The following OPCML variants were observed in gnomAD, a reference collection of about 807,000 sequenced individuals.
OPCML encodes opioid binding protein/cell adhesion molecule like.
A neutral mutation model predicts 37.8 loss-of-function variants in OPCML; 13 were observed. The observed-to-expected ratio is 0.34, with a 90% CI of 0.22 to 0.55. OPCML has a LOEUF of 0.55. OPCML is among the 20% of genes least tolerant of loss of function. OPCML has a pLI of 0.91. For missense variants in OPCML, 341 were observed against 435.6 expected, an observed-to-expected ratio of 0.78 and a Z score of 1.93; for synonymous variants, 176 against 168.8, an observed-to-expected ratio of 1.04 and a Z score of -0.33.
At chr11:132,672,250 C>T (rs1035202894) in intron 2 of OPCML, among the ~76,000 whole-genome samples, 25 of 152,206 alleles carry the variant, frequency 1.6e-4, no homozygotes, top group African/African-American at 6.0e-4. Flanking sequence ...GTTAAGCCCT[C>T]GGGGATTGCA....
intron 2 of OPCML, among the ~76,000 whole-genome samples, chr11:132,725,453 G>A (rs1944844066): frequency 6.6e-6 from 1 of 152,138 alleles, no homozygotes; most frequent in African/African-American, 2.4e-5. Flanking sequence ...GGACTGTAAT[G>A]GGAGGGGCTA....
intron 4 of OPCML, among the ~76,000 whole-genome samples, chr11:132,442,300 G>A (rs1323315811): frequency 1.3e-5 from 2 of 152,168 alleles, no homozygotes; most frequent in Non-Finnish European, 2.9e-5. Context: ...TAACTATTTG[G>A]GGATGAAAAA....
chr11:132,657,477 T>C (rs1941765820), intron 2 of OPCML, 158 bp from the exon 3 acceptor site: 2 of 950,792 alleles, frequency 2.1e-6, no homozygotes, highest in South Asian at 4.8e-5. Flanking sequence ...ACTTCCTAAA[T>C]ATAAACTAAG....
intron 2 of OPCML, among the ~76,000 whole-genome samples, chr11:132,734,038 G>A (rs530210724): frequency 2.6e-5 from 4 of 152,218 alleles, no homozygotes; most frequent in Admixed American, 6.5e-5. Context: ...TTATGTGTAC[G>A]ATGGGATAAT....
At chr11:133,483,434 G>A (rs1947426670) in intron 1 of OPCML, among the ~76,000 whole-genome samples, 1 of 151,872 alleles carries the variant, frequency 6.6e-6, no homozygotes, top group Admixed American at 6.6e-5. Context: ...ATAATAGGCA[G>A]ATTAGCTAGA....
At chr11:132,545,166 T>G (rs1487946054) in intron 3 of OPCML, among the ~76,000 whole-genome samples, 3 of 152,202 alleles carry the variant, frequency 2.0e-5, no homozygotes, top group African/African-American at 7.2e-5. Context: ...TATGCACTAG[T>G]CTTGCAGCTC....
At chr11:133,153,560 T>TC (rs374045820) in intron 1 of OPCML, among the ~76,000 whole-genome samples, 1 of 152,294 alleles carries the variant, frequency 6.6e-6, no homozygotes, top group African/African-American at 2.4e-5. Flanking sequence ...AGCTGGCCTT[T>TC]CTGACACTAG....
At chr11:133,408,320 T>G (rs961758396) in intron 1 of OPCML, among the ~76,000 whole-genome samples, 2 of 152,216 alleles carry the variant, frequency 1.3e-5, no homozygotes, top group African/African-American at 4.8e-5. Context: ...TGGTGGTGAA[T>G]TAAATCAAGG....
At chr11:132,556,955 G>C (rs1368784105) in intron 3 of OPCML, among the ~76,000 whole-genome samples, 1 of 152,108 alleles carries the variant, frequency 6.6e-6, no homozygotes, top group Non-Finnish European at 1.5e-5. Context: ...AGAGAGTTCT[G>C]ACTCTTTCTC....
chr11:133,196,331 A>C (rs1167251548), intron 1 of OPCML, among the ~76,000 whole-genome samples: 1 of 152,260 alleles, frequency 6.6e-6, no homozygotes, highest in Non-Finnish European at 1.5e-5. Context: ...GCAGCTGTTC[A>C]GTCCAACTCT....
At chr11:133,130,244 T>C (rs970902067) in intron 1 of OPCML, among the ~76,000 whole-genome samples, 1 of 151,052 alleles carries the variant, frequency 6.6e-6, no homozygotes, top group East Asian at 1.9e-4. Flanking sequence ...TAAAAACTAC[T>C]GAAAATGAAG....
At chr11:132,591,932 G>A (rs1187432956) in intron 3 of OPCML, among the ~76,000 whole-genome samples, 3 of 152,174 alleles carry the variant, frequency 2.0e-5, no homozygotes, top group African/African-American at 7.2e-5. Flanking sequence ...GTTTTGCAGT[G>A]TAGCAATCAA....
chr11:133,177,969 A>G lies in OPCML; in HGVS notation c.62-234959T>C, dbSNP rs1937635658. On this transcript the variant is annotated intron_variant, in intron 1 of 7. Coordinates refer to ENST00000524381, the MANE Select transcript of OPCML (RefSeq NM_001012393.5). The surrounding 1 kb of genome is among the most constrained non-coding windows in gnomAD (Gnocchi z 5.0). ...AATAAATGAGAGCTGGCAGGAGGCA[A>G]TCCCAAGGTTTAAGGCAGAATTATG... Among the ~76,000 whole-genome samples the G allele has an allele frequency of 6.6e-6, 1 of 152,226 alleles. No individual in the cohort carries two copies. Among genetic ancestry groups the G allele is most frequent in the Non-Finnish European group, 1.5e-5 (1 of 68,038 alleles).
chr11:132,644,173 AT>A (rs1364092998), intron 3 of OPCML, among the ~76,000 whole-genome samples: 2 of 152,180 alleles, frequency 1.3e-5, no homozygotes, highest in African/African-American at 4.8e-5. Flanking sequence ...TATTATTTCT[AT>A]TAAAAGATAG....
chr11:133,445,192 T>C (rs1431694871), intron 1 of OPCML, among the ~76,000 whole-genome samples: 1 of 151,488 alleles, frequency 6.6e-6, no homozygotes, highest in African/African-American at 2.4e-5. Context: ...ATATCCATGG[T>C]GATCCTGGAT....
At chr11:132,844,850 C>T (rs1056615403) in intron 2 of OPCML, among the ~76,000 whole-genome samples, 1 of 151,232 alleles carries the variant, frequency 6.6e-6, no homozygotes, top group African/African-American at 2.4e-5. Flanking sequence ...TATAAGTGGA[C>T]CTATATAGCT....
At chr11:132,620,840 A>G (rs1439910726) in intron 3 of OPCML, among the ~76,000 whole-genome samples, 1 of 152,208 alleles carries the variant, frequency 6.6e-6, no homozygotes, top group Non-Finnish European at 1.5e-5. Flanking sequence ...AGCAATCACT[A>G]GAGAAGCCAG....
intron 1 of OPCML, among the ~76,000 whole-genome samples, chr11:132,949,970 G>T (rs1380726610): frequency 6.6e-6 from 1 of 152,196 alleles, no homozygotes; most frequent in African/African-American, 2.4e-5. Context: ...GGGAGCATTT[G>T]ACCTGAGTCC....
intron 2 of OPCML, among the ~76,000 whole-genome samples, chr11:132,875,881 C>T (rs991331907): frequency 1.3e-5 from 2 of 152,184 alleles, no homozygotes; most frequent in African/African-American, 4.8e-5. Flanking sequence ...TTAAGTTAGA[C>T]TTTCAAGCAT....
Sources: allele counts gnomAD v4.1 joint callset (sites outside exome capture counted in the v4.1 genomes callset), GRCh38; gene constraint gnomAD v4.1.1; non-coding constraint Gnocchi (gnomAD v3.1); transcripts MANE v1.5; gene names NCBI Gene and HGNC (gene_info 2026-07-23, HGNC 2026-07-21).